Variants in ADARB2 observed in about 807,000 individuals in gnomAD.
The protein encoded by ADARB2 is inactive double-stranded RNA-specific editase B2.
A neutral mutation model predicts 62.2 loss-of-function variants in ADARB2; 25 were observed. The ratio of observed to expected loss-of-function variants is 0.40; its 90% CI spans 0.29 to 0.56. The LOEUF (loss-of-function observed/expected upper bound fraction) is 0.56, where lower values mean the gene tolerates loss of function less well. Ranked by LOEUF, ADARB2 falls within the 20% of genes least tolerant of loss-of-function variation. The pLI, the probability that ADARB2 is intolerant of heterozygous loss-of-function variation, is 0.43. For synonymous variants in ADARB2, 572 were observed against 500.8 expected, an observed-to-expected ratio of 1.14 and a Z score of -1.90; for missense variants, 1,071 against 1,077.4, an observed-to-expected ratio of 0.99 and a Z score of 0.08.
intron 3 of ADARB2, among the ~76,000 whole-genome samples, chr10:1,345,973 G>A (rs2131841392): frequency 6.6e-6 from 1 of 152,262 alleles, no homozygotes; most frequent in South Asian, 2.1e-4. Flanking sequence ...CGTGGTTAAG[G>A]CAAAAGAGAG....
At chr10:1,525,993 G>A (rs1401755030) in intron 1 of ADARB2, among the ~76,000 whole-genome samples, 2 of 152,212 alleles carry the variant, frequency 1.3e-5, no homozygotes, top group Non-Finnish European at 2.9e-5. Flanking sequence ...GCATATATGT[G>A]CATGTGCATG....
At chr10:1,364,047 T>A (rs1004470222) in intron 2 of ADARB2, 130 bp from the exon 3 acceptor site, 2 of 1,268,114 alleles carry the variant, frequency 1.6e-6, no homozygotes, top group Middle Eastern at 2.8e-4. Flanking sequence ...GCCTGAGAAA[T>A]GACTGTGGCC....
chr10:1,251,098 A>C (rs936807075), intron 4 of ADARB2, among the ~76,000 whole-genome samples: 1 of 152,200 alleles, frequency 6.6e-6, no homozygotes, highest in Non-Finnish European at 1.5e-5. Context: ...AAATTGATCA[A>C]TGTTTAGATG....
chr10:1,289,630 A>C (rs538197850), intron 3 of ADARB2, among the ~76,000 whole-genome samples: 1 of 152,074 alleles, frequency 6.6e-6, no homozygotes, highest in South Asian at 2.1e-4. Context: ...CCCACTGCCC[A>C]CCTCCTGCTT....
At chr10:1,211,231 G>A (rs969274517) in intron 7 of ADARB2, among the ~76,000 whole-genome samples, 1 of 151,748 alleles carries the variant, frequency 6.6e-6, no homozygotes, top group Non-Finnish European at 1.5e-5. Context: ...CCTATCATCT[G>A]TCATCTATTA....
At chr10:1,685,695 G>T (rs953950877) in intron 1 of ADARB2, among the ~76,000 whole-genome samples, 1 of 152,204 alleles carries the variant, frequency 6.6e-6, no homozygotes, top group African/African-American at 2.4e-5. Context: ...GGGAGGCGAC[G>T]CAGGAGGGAC....
At chr10:1,639,311 G>A (rs1444818419) in intron 1 of ADARB2, among the ~76,000 whole-genome samples, 1 of 152,214 alleles carries the variant, frequency 6.6e-6, no homozygotes, top group African/African-American at 2.4e-5. Flanking sequence ...CTTAGAGCCT[G>A]CTCTGTGGTC....
chr10:1,272,114 C>T (rs1831268491), intron 3 of ADARB2, among the ~76,000 whole-genome samples: 1 of 152,214 alleles, frequency 6.6e-6, no homozygotes, highest in South Asian at 2.1e-4. Context: ...TCATTATCAT[C>T]ATCTCCCCCA....
chr10:1,655,801 G>A (rs1834166875), intron 1 of ADARB2, among the ~76,000 whole-genome samples: 1 of 152,222 alleles, frequency 6.6e-6, no homozygotes, highest in Non-Finnish European at 1.5e-5. Flanking sequence ...GAGGTTTTGA[G>A]TATTTTCAGT....
At chr10:1,658,182 A>G (rs534660769) in intron 1 of ADARB2, among the ~76,000 whole-genome samples, 71 of 133,532 alleles carry the variant, frequency 5.3e-4, no homozygotes, top group African/African-American at 1.9e-3. Flanking sequence ...GTGTCTCTCT[A>G]TCTCTATCTG....
At chr10:1,575,440 GA>G (rs1243916925) in intron 1 of ADARB2, among the ~76,000 whole-genome samples, 2 of 151,514 alleles carry the variant, frequency 1.3e-5, no homozygotes, top group Non-Finnish European at 3.0e-5. Context: ...GGGTCTTAAA[GA>G]TGCCAAAGCA....
chr10:1,272,521 G>A (rs10159844), intron 3 of ADARB2, among the ~76,000 whole-genome samples: 1,940 of 152,330 alleles, frequency 0.013, 33 homozygotes, highest in African/African-American at 0.04. Flanking sequence ...TGCAGGGCCC[G>A]GCGCAGTCTC....
intron 1 of ADARB2, among the ~76,000 whole-genome samples, chr10:1,592,390 C>A (rs879161928): frequency 2.1e-4 from 15 of 71,324 alleles, no homozygotes; most frequent in South Asian, 5.2e-4. Flanking sequence ...TCCCTTCGCC[C>A]AAGCCACCCT....
intron 3 of ADARB2, among the ~76,000 whole-genome samples, chr10:1,304,625 A>G (rs1025538832): frequency 6.6e-6 from 1 of 150,976 alleles, no homozygotes; most frequent in African/African-American, 2.4e-5. Context: ...CATACTTGGA[A>G]GTAAAGCTCT....
intron 1 of ADARB2, among the ~76,000 whole-genome samples, chr10:1,724,927 G>A (rs1327588298): frequency 1.3e-5 from 2 of 152,230 alleles, no homozygotes; most frequent in African/African-American, 4.8e-5. Context: ...TCACTGCCTT[G>A]TAGTGTTGTT....
intron 1 of ADARB2, among the ~76,000 whole-genome samples, chr10:1,525,365 G>A (rs1353785973): frequency 3.3e-5 from 5 of 152,198 alleles, no homozygotes; most frequent in Admixed American, 2.0e-4. Context: ...CTGCGGGAGT[G>A]GATCTGAAAT....
At chr10:1,456,561 C>T in intron 1 of ADARB2, among the ~76,000 whole-genome samples, 1 of 152,244 alleles carries the variant, frequency 6.6e-6, no homozygotes, top group East Asian at 1.9e-4. Flanking sequence ...CAGGGGGTCT[C>T]GTGAACCCAG....
chr10:1,355,877 C>A (rs1013310944), intron 3 of ADARB2, among the ~76,000 whole-genome samples: 1 of 152,022 alleles, frequency 6.6e-6, no homozygotes, highest in East Asian at 1.9e-4. Flanking sequence ...AAACATATCA[C>A]AATTGTATAT....
At chr10:1,247,715 G>T (rs972321370) in intron 4 of ADARB2, among the ~76,000 whole-genome samples, 1 of 152,148 alleles carries the variant, frequency 6.6e-6, no homozygotes, top group Non-Finnish European at 1.5e-5. Flanking sequence ...AGATAAACAC[G>T]CTTTTCTTAA....
Sources: gnomAD v4.1 joint callset for allele counts (sites outside exome capture counted in the v4.1 genomes callset) on GRCh38, gnomAD v4.1.1 for gene constraint, MANE v1.5 for transcripts, NCBI Gene and HGNC (gene_info 2026-07-23, HGNC 2026-07-21) for gene names.